CTNNA3: variants seen among roughly 807,000 people sequenced by gnomAD.
The protein encoded by CTNNA3 is catenin alpha 3.
Under a neutral mutation model 95.7 loss-of-function variants are expected in CTNNA3, and 76 were observed. The observed-to-expected ratio is 0.79, with a 90% CI of 0.66 to 0.96. The LOEUF (loss-of-function observed/expected upper bound fraction) is 0.96, where lower values mean the gene tolerates loss of function less well. CTNNA3 is among the 40% of genes least tolerant of loss of function. CTNNA3 has a pLI of 0.00. For synonymous variants in CTNNA3, 431 were observed against 374.4 expected, an observed-to-expected ratio of 1.15 and a Z score of -1.74; for missense variants, 1,191 against 1,089.8, an observed-to-expected ratio of 1.09 and a Z score of -1.31.
chr10:66,197,314 C>T (rs919719932), intron 13 of CTNNA3, among the ~76,000 whole-genome samples: 1 of 151,742 alleles, frequency 6.6e-6, no homozygotes, highest in African/African-American at 2.4e-5. Context: ...AAAACAAATG[C>T]GTTTAAGAAC....
At chr10:66,563,182 C>CT (rs1419604567) in intron 10 of CTNNA3, among the ~76,000 whole-genome samples, 5 of 152,146 alleles carry the variant, frequency 3.3e-5, no homozygotes, top group Middle Eastern at 3.4e-3. Flanking sequence ...ATAACCACTG[C>CT]TTTTTTCTTT....
chr10:66,425,895 G>A (rs4584464), intron 11 of CTNNA3, among the ~76,000 whole-genome samples: 31,135 of 151,872 alleles, frequency 0.21, 3,542 homozygotes, highest in Middle Eastern at 0.31. Flanking sequence ...TCCCCATACA[G>A]ACCCACTGCT....
intron 6 of CTNNA3, among the ~76,000 whole-genome samples, chr10:67,215,055 C>CT (rs889336785): frequency 6.6e-6 from 1 of 151,908 alleles, no homozygotes; most frequent in African/African-American, 2.4e-5. Context: ...TATTTTAGAA[C>CT]TTGTCATGGC....
intron 5 of CTNNA3, among the ~76,000 whole-genome samples, chr10:67,294,098 T>C (rs1029151879): frequency 1.3e-5 from 2 of 152,142 alleles, no homozygotes; most frequent in Non-Finnish European, 2.9e-5. Flanking sequence ...TAGATTCTAT[T>C]TGGAAGGCTT....
chr10:67,394,086 T>C lies in CTNNA3; in HGVS notation c.579+127756A>G, dbSNP rs977210099. On this transcript the variant is annotated intron_variant, in intron 5 of 17. Transcript: ENST00000433211. ...CTATAACGATGAGACCAGTTGCGGA[T>C]ATATGGACTAACTTAATTATGAGTA... is the stretch of plus-strand genomic sequence containing the variant. Among the ~76,000 whole-genome samples the C allele has an allele frequency of 2.0e-5, 3 of 152,150 alleles. No homozygotes were observed. The South Asian group carries it at 6.2e-4, about 32-fold the overall frequency.
chr10:67,184,225 C>T (rs1258355464), intron 6 of CTNNA3, among the ~76,000 whole-genome samples: 1 of 152,148 alleles, frequency 6.6e-6, no homozygotes, highest in Admixed American at 6.5e-5. Context: ...TTGAGAATCC[C>T]AAACACTATT....
rs78571067 is a variant in CTNNA3 at position 66,727,759 on chromosome 10, G to A, written c.1281+38505C>T. On this transcript the variant is annotated intron_variant, in intron 9 of 17. Transcript: ENST00000433211. ...TGTATATCAGAAAAATTTACAGTAC[G>A]TTAGAAAATAATTTGTGAAACCAAT... Among the ~76,000 whole-genome samples the A allele has an allele frequency of 1.6e-3, 248 of 152,184 alleles. 1 individual carries two copies. The highest frequency in any genetic ancestry group is 5.6e-3 in the African/African-American group (232 of 41,550).
chr10:67,214,297 T>A (rs1450158736), intron 6 of CTNNA3, among the ~76,000 whole-genome samples: 2 of 151,766 alleles, frequency 1.3e-5, no homozygotes, highest in African/African-American at 4.8e-5. Flanking sequence ...AGTCTATGAC[T>A]ACACATTTTT....
At chr10:66,687,879 G>GA (rs1310040683) in intron 9 of CTNNA3, among the ~76,000 whole-genome samples, 3 of 150,610 alleles carry the variant, frequency 2.0e-5, no homozygotes, top group Admixed American at 6.6e-5. Flanking sequence ...AATTTATTGA[G>GA]GAAAAAAATG....
chr10:67,155,102 T>C (rs1462196617), intron 7 of CTNNA3, among the ~76,000 whole-genome samples: 1 of 152,222 alleles, frequency 6.6e-6, no homozygotes. Flanking sequence ...ACTGTTTATG[T>C]CTATGTTACC....
chr10:67,204,147 G>A (rs1237972669), intron 6 of CTNNA3, among the ~76,000 whole-genome samples: 2 of 152,094 alleles, frequency 1.3e-5, no homozygotes, highest in Admixed American at 6.5e-5. Context: ...TCCCAGATAT[G>A]TACTATGAAA....
At position 66,582,818 on chromosome 10, in the gene CTNNA3, G is replaced by T. The variant is rs554610962; in HGVS notation, c.1374+38874C>A. Among the ~76,000 whole-genome samples the T allele has an allele frequency of 7.9e-5, 12 of 151,762 alleles. No individual in the cohort carries two copies. The South Asian group carries it at 2.5e-3, about 31-fold the overall frequency. ...TTATTTAGAGGTATGTTTCTTCTAT[G>T]TCTAGTTTGTTGAGGGTTTTTATCA... On this transcript the variant is annotated intron_variant, in intron 10 of 17. Transcript: ENST00000433211.
rs1221215973 is a variant in CTNNA3, at chr10:66,405,775, C to CT, written c.1532-26424dup. On this transcript the variant is annotated intron_variant, in intron 11 of 17. Transcript: ENST00000433211. ...TGCTGCACTAGCTTGCAAGGTCTTG[C>CT]TTTTTCTTGACAACCTGCCTCTTAA... 2.6e-5 allele frequency among the ~76,000 whole-genome samples: 4 copies of CT among 152,098 alleles called. No homozygotes were observed. In the East Asian group the frequency reaches 7.7e-4, roughly 29 times the overall value.
intron 5 of CTNNA3, among the ~76,000 whole-genome samples, chr10:67,410,503 T>G (rs925397348): frequency 6.6e-6 from 1 of 151,964 alleles, no homozygotes; most frequent in Non-Finnish European, 1.5e-5. Flanking sequence ...CATGTACCCC[T>G]GAACTTAAAA....
chr10:66,742,279 AG>A (rs1564652298), intron 9 of CTNNA3, among the ~76,000 whole-genome samples: 3 of 152,192 alleles, frequency 2.0e-5, no homozygotes, highest in Non-Finnish European at 4.4e-5. Context: ...TAGCGCTCCC[AG>A]GCTTATTAGG....
chr10:66,933,541 A>T (rs1352370001), intron 7 of CTNNA3, among the ~76,000 whole-genome samples: 5 of 152,172 alleles, frequency 3.3e-5, no homozygotes, highest in Non-Finnish European at 7.4e-5. Flanking sequence ...TTGAGCAAAA[A>T]GTAATTGCAT....
intron 14 of CTNNA3, among the ~76,000 whole-genome samples, chr10:66,088,127 A>G (rs2081058929): frequency 6.6e-6 from 1 of 151,946 alleles, no homozygotes; most frequent in Non-Finnish European, 1.5e-5. Context: ...AAAATTATGC[A>G]CAAACTCTCA....
chr10:67,706,496 C>G (rs544269263), intron 1 of CTNNA3, among the ~76,000 whole-genome samples: 4 of 152,098 alleles, frequency 2.6e-5, no homozygotes, highest in Non-Finnish European at 5.9e-5. Flanking sequence ...GTTAGGGGAA[C>G]AAGGCCAACT....
intron 7 of CTNNA3, among the ~76,000 whole-genome samples, chr10:67,006,394 T>C (rs962125007): frequency 6.6e-6 from 1 of 152,120 alleles, no homozygotes; most frequent in Non-Finnish European, 1.5e-5. Context: ...CTCCACCCCT[T>C]CTCTTTCTCC....
Sources: gnomAD v4.1 joint callset for allele counts (sites outside exome capture counted in the v4.1 genomes callset) on GRCh38, gnomAD v4.1.1 for gene constraint, MANE v1.5 for transcripts, NCBI Gene and HGNC (gene_info 2026-07-23, HGNC 2026-07-21) for gene names.